Variants in CA1 observed in about 807,000 individuals in gnomAD.
The protein encoded by CA1 is carbonate dehydratase I.
CA1 carries 27 observed loss-of-function variants against 28.8 expected under a neutral mutation model. That is an observed-to-expected ratio of 0.94 (90% CI 0.69 to 1.29). The LOEUF (loss-of-function observed/expected upper bound fraction) is 1.29. Among genes scored for constraint, CA1 ranks in the 50% most tolerant of loss-of-function variants. The pLI, the probability that CA1 is intolerant of heterozygous loss-of-function variation, is 0.00. For synonymous variants in CA1, 121 were observed against 108.8 expected (o/e 1.11, Z -0.70); for missense variants, 335 against 310.5 (o/e 1.08, Z -0.59).
chr8:85,354,041 G>A (rs1173458578), intron 1 of CA1, among the ~76,000 whole-genome samples: 1 of 148,236 alleles, frequency 6.7e-6, no homozygotes, highest in Admixed American at 6.8e-5. Context: ...TCGGCTCACT[G>A]CAACCTCTGC....
At chr8:85,336,908 T>G (rs768754413) in intron 4 of CA1, 37 bp downstream of exon 4, 3 of 1,229,698 alleles carry the variant, frequency 2.4e-6, no homozygotes, top group Non-Finnish European at 3.6e-6. Context: ...GGGAGTACTC[T>G]CAGGGTAATT....
At chr8:85,350,363 G>C (rs1464320168) in intron 1 of CA1, among the ~76,000 whole-genome samples, 1 of 152,178 alleles carries the variant, frequency 6.6e-6, no homozygotes, top group East Asian at 1.9e-4. Context: ...TTTCAAGTGT[G>C]ACTTGAAAGG....
chr8:85,376,472 G>A (rs1810420414), intron 1 of CA1, among the ~76,000 whole-genome samples: 1 of 151,960 alleles, frequency 6.6e-6, no homozygotes, highest in Non-Finnish European at 1.5e-5. Flanking sequence ...GACAATCCTG[G>A]CCAACATGGT....
Position 85,338,138 on chromosome 8 carries a change from T to G in CA1, c.235+114A>C, listed in dbSNP as rs1330532134. ...AAGATGCCTCACTAGATTACAGCAATGCTGCACACAAGCACAAAAGACTTA... is the reference window on the plus strand; with the variant it reads ...AAGATGCCTCACTAGATTACAGCAAGGCTGCACACAAGCACAAAAGACTTA... On this transcript the variant is annotated intron_variant, in intron 3 of 7. Coordinates refer to ENST00000523022, the MANE Select transcript of CA1 (RefSeq NM_001128831.4). 3 of 976,606 alleles carry G rather than the reference T, an allele frequency of 3.1e-6. No homozygotes were observed. The South Asian group carries it at 3.9e-5, about 13-fold the overall frequency. 60.5% of individuals were successfully genotyped at this position (976,606 alleles called of 1,614,324 possible).
intron 1 of CA1, among the ~76,000 whole-genome samples, chr8:85,376,658 A>T (rs967903142): frequency 6.4e-5 from 9 of 140,080 alleles, no homozygotes; most frequent in Admixed American, 4.3e-4. Flanking sequence ...AATTGTCTCA[A>T]AAATAAATAA....
intron 7 of CA1, 56 bp downstream of exon 7, chr8:85,329,633 A>C: frequency 7.1e-7 from 1 of 1,401,880 alleles, no homozygotes; most frequent in South Asian, 1.2e-5. Context: ...TGATACTATC[A>C]ATTAAAGTAA....
At chr8:85,358,243 C>T (rs772789039) in intron 1 of CA1, among the ~76,000 whole-genome samples, 1 of 152,144 alleles carries the variant, frequency 6.6e-6, no homozygotes, top group Non-Finnish European at 1.5e-5. Context: ...TGTGACACCT[C>T]GCTGCTGTGC....
rs77560314 is a variant in CA1 at position 85,354,563 on chromosome 8, A to G, written c.-24-12904T>C. Among the ~76,000 whole-genome samples, 1,386 of 152,272 alleles carry G rather than the reference A, an allele frequency of 9.1e-3. 21 individuals are homozygous for G. The highest frequency in any genetic ancestry group is 0.032 in the African/African-American group (1,324 of 41,548). ...GCAAATAGCTTATAGAACAAGGACG[A>G]CTTTTACATGATTGATAGCAGATTC... On this transcript the variant is annotated intron_variant, in intron 1 of 7. Coordinates refer to ENST00000523022, the MANE Select transcript of CA1 (RefSeq NM_001128831.4).
At chr8:85,337,879 C>T (rs908367773) in intron 3 of CA1, 12 of 359,556 alleles carry the variant, frequency 3.3e-5, no homozygotes, top group Non-Finnish European at 5.9e-5. Context: ...CTACTGTGCT[C>T]ATTCATACTC....
Position 85,327,726 on chromosome 8 carries a change from A to G in CA1, c.*834T>C, listed in dbSNP as rs1428153630. On this transcript the variant is annotated 3_prime_UTR_variant, in exon 8 of 8. Transcript: ENST00000523022. Reference sequence around the variant, plus strand: ...TACAATTATTGTGTGTCAATTAAAGATAAAAATAGCATAAGGTGAAGCGCA... The same window carrying G: ...TACAATTATTGTGTGTCAATTAAAGGTAAAAATAGCATAAGGTGAAGCGCA... The G allele has an allele frequency of 6.6e-5, 10 of 152,204 alleles. No individual in the cohort carries two copies. The highest frequency in any genetic ancestry group is 6.5e-4 in the Admixed American group (10 of 15,268). The allele number at this position is 152,204 out of a possible 1,614,324, so 9.4% of individuals were successfully genotyped here.
At chr8:85,351,635 C>T (rs1809415439) in intron 1 of CA1, 1 of 152,094 alleles carries the variant, frequency 6.6e-6, no homozygotes, top group Admixed American at 6.6e-5. Flanking sequence ...ACCCATTTTT[C>T]CATTTGGATG....
chr8:85,329,775 A>G lies in CA1; in HGVS notation c.583T>C (p.Tyr195His). 6.2e-7 allele frequency: 1 copy of G among 1,605,404 alleles called. No individual in the cohort carries two copies. ...LLPSSLDFWT[Y>H]PGSLTHPPLY... ...GGAGGATGAGTCAGAGAGCCAGGGT[A>G]GGTCCAGAAATCCAGGGATGAAGGA... is the stretch of plus-strand genomic sequence containing the variant. The change falls in exon 7 of 8, where the codon TAC becomes CAC. Residue 195 changes from tyrosine (Y) to histidine (H), a missense_variant. Tyr to His is a moderately conservative substitution (Grantham distance 83, BLOSUM62 2). Coordinates refer to ENST00000523022, the MANE Select transcript of CA1 (RefSeq NM_001128831.4).
chr8:85,374,196 A>G (rs984637019), intron 1 of CA1, among the ~76,000 whole-genome samples: 1 of 152,246 alleles, frequency 6.6e-6, no homozygotes, highest in Admixed American at 6.5e-5. Context: ...ACAAAGTTAA[A>G]TATCAAAAAT....
intron 1 of CA1, chr8:85,349,876 C>A (rs990004473): frequency 2.6e-5 from 4 of 152,186 alleles, no homozygotes; most frequent in African/African-American, 9.7e-5. Context: ...GGTCCTCCTC[C>A]CTTCTATTTC....
intron 1 of CA1, among the ~76,000 whole-genome samples, chr8:85,354,011 G>A (rs1439314485): frequency 6.6e-6 from 1 of 151,614 alleles, no homozygotes; most frequent in Non-Finnish European, 1.5e-5. Flanking sequence ...CACCCATGCT[G>A]GAGTGCAGTG....
In CA1 at chr8:85,338,255, A is replaced by T. The variant is rs574128277; in HGVS notation, c.232T>A (p.Ser78Thr). 9.3e-6 allele frequency: 15 copies of T among 1,612,734 alleles called. No homozygotes were observed. In the South Asian group the frequency reaches 1.6e-4, roughly 18 times the overall value. The change falls in exon 3 of 8, where the codon TCA becomes ACA. Residue 78 changes from serine (S) to threonine (T), a missense_variant. Coordinates refer to ENST00000523022, the MANE Select transcript of CA1 (RefSeq NM_001128831.4). The part of the protein sequence containing the change: ...HVNFEDNDNR[S>T]VLKGGPFSDS... ...TCAGAAGGGTCTTTCAGCTCACCTG[A>T]TCGGTTATCGTTGTCCTCAAAATTT...
chr8:85,367,543 G>A (rs994825688), intron 1 of CA1, among the ~76,000 whole-genome samples: 2 of 152,214 alleles, frequency 1.3e-5, no homozygotes, highest in Non-Finnish European at 2.9e-5. Flanking sequence ...GTTCCTTTAA[G>A]CGAGTGGTTC....
chr8:85,346,405 AAT>A (rs1174171320), intron 1 of CA1, among the ~76,000 whole-genome samples: 7 of 152,202 alleles, frequency 4.6e-5, no homozygotes, highest in African/African-American at 1.7e-4. Flanking sequence ...TAGAACAGAT[AAT>A]GACACTATTA....
rs1471649952 is a variant in CA1, at chr8:85,329,718, T to G, written c.640A>C (p.Lys214Gln). The G allele has an allele frequency of 6.2e-7, 1 of 1,610,852 alleles. No homozygotes were observed. Among genetic ancestry groups the G allele is most frequent in the South Asian group, 1.1e-5 (1 of 90,504 alleles). ...TCTGAGCTGACACTGATGCTCTCCT[T>G]ACAGATGATCCAAGTTACACTCTCA... ...LYESVTWIIC[K>Q]ESISVSSEQL... The change falls in exon 7 of 8, where the codon AAG becomes CAG. Residue 214 changes from lysine to glutamine, a missense_variant. Physicochemically the swap from Lys to Gln is moderately conservative, Grantham distance 53. Coordinates refer to ENST00000523022, the MANE Select transcript of CA1 (RefSeq NM_001128831.4).
Sources: gnomAD v4.1 joint callset for allele counts (sites outside exome capture counted in the v4.1 genomes callset) on GRCh38, gnomAD v4.1.1 for gene constraint, MANE v1.5 for transcripts, NCBI Gene and HGNC (gene_info 2026-07-23, HGNC 2026-07-21) for gene names.